MTPN: variants seen among roughly 807,000 people sequenced by gnomAD.
The protein encoded by MTPN is granule cell differentiation protein.
A neutral mutation model predicts 13.5 loss-of-function variants in MTPN; 2 were observed. The ratio of observed to expected loss-of-function variants is 0.15; its 90% confidence interval spans 0.06 to 0.47. The LOEUF (loss-of-function observed/expected upper bound fraction) is 0.47. Ranked by LOEUF, MTPN falls within the 20% of genes least tolerant of loss-of-function variation. The probability of loss-of-function intolerance (pLI) is 0.97; values close to 1 mark genes in which losing one functional copy is unlikely to be tolerated. For synonymous variants in MTPN, 46 were observed against 51.7 expected (o/e 0.89, Z 0.48); for missense variants, 79 against 137.9 (o/e 0.57, Z 2.14).
chr7:135,960,510 T>G (rs1053569251), intron 1 of MTPN, among the ~76,000 whole-genome samples: 1 of 151,948 alleles, frequency 6.6e-6, no homozygotes, highest in Admixed American at 6.6e-5. Context: ...ACCCTAAATC[T>G]GAATAGTATT....
intron 1 of MTPN, among the ~76,000 whole-genome samples, chr7:135,958,852 G>C (rs1344962119): frequency 1.3e-5 from 2 of 151,938 alleles, no homozygotes; most frequent in African/African-American, 4.8e-5. Flanking sequence ...TTCCCTCAAG[G>C]ATATCTCTGA....
intron 3 of MTPN, among the ~76,000 whole-genome samples, chr7:135,939,077 T>C (rs1329875725): frequency 1.3e-5 from 2 of 152,078 alleles, no homozygotes; most frequent in Admixed American, 6.5e-5. Flanking sequence ...GGTGTTACTC[T>C]GCCTTCCCTC....
At chr7:135,967,591 A>G (rs147940635) in intron 1 of MTPN, among the ~76,000 whole-genome samples, 1 of 152,194 alleles carries the variant, frequency 6.6e-6, no homozygotes, top group Admixed American at 6.5e-5. Context: ...CTATAAAATA[A>G]GGGAGCTGGA....
rs961393954 is a variant in MTPN, at chr7:135,927,484, G to C, written c.*2442C>G. 7.0e-7 allele frequency: 1 copy of C among 1,426,994 alleles called. No individual in the cohort carries two copies. Among genetic ancestry groups the C allele is most frequent in the South Asian group, 1.3e-5 (1 of 76,092 alleles). 88.4% of individuals were successfully genotyped at this position (1,426,994 alleles called of 1,614,324 possible). A position where few individuals can be genotyped will look rare whatever the true frequency, so the allele number is the denominator to read the frequency against. On this transcript the variant is annotated 3_prime_UTR_variant, in exon 4 of 4. Transcript: ENST00000393085. ...ACAGAACATGCAAAATTTTTTCTGA[G>C]ATGTTAAGTATTACTTCAGTGGAGA...
chr7:135,974,623 T>A (rs1158655077), intron 1 of MTPN, among the ~76,000 whole-genome samples: 1 of 152,202 alleles, frequency 6.6e-6, no homozygotes. Flanking sequence ...ATATGAGAGA[T>A]CTTCACAGGA....
chr7:135,939,582 G>GC (rs1413281185), intron 3 of MTPN, among the ~76,000 whole-genome samples: 1 of 107,766 alleles, frequency 9.3e-6, no homozygotes, highest in Admixed American at 9.1e-5. Context: ...GGGGCGGGGG[G>GC]GGGGGGCGGG....
chr7:135,962,511 A>G (rs1233155109), intron 1 of MTPN, among the ~76,000 whole-genome samples: 1 of 152,062 alleles, frequency 6.6e-6, no homozygotes, highest in African/African-American at 2.4e-5. Flanking sequence ...TGAAAAACCA[A>G]TCTGGAGGTG....
In MTPN at chr7:135,950,507, T is replaced by A; in HGVS notation, c.270+92A>T. ...TATATTGCTTCCAGTTTTCTGTCCC[T>A]GCTGCCACACAAAATTCAAATAAAT... is the stretch of plus-strand genomic sequence containing the variant. On this transcript the variant is annotated intron_variant, in intron 3 of 3. Transcript: ENST00000393085. 2.9e-6 allele frequency: 3 copies of A among 1,048,740 alleles called. No homozygotes were observed. In the South Asian group the frequency reaches 4.3e-5, roughly 15 times the overall value. 65.0% of individuals were successfully genotyped at this position (1,048,740 alleles called of 1,614,324 possible).
At chr7:135,931,727 T>A (rs955104137) in intron 3 of MTPN, among the ~76,000 whole-genome samples, 3 of 152,202 alleles carry the variant, frequency 2.0e-5, no homozygotes, top group Non-Finnish European at 4.4e-5. Context: ...ATAGTGAACT[T>A]CTGTTGCTTT....
intron 1 of MTPN, among the ~76,000 whole-genome samples, chr7:135,959,270 T>C (rs1799488857): frequency 6.6e-6 from 1 of 152,204 alleles, no homozygotes; most frequent in South Asian, 2.1e-4. Flanking sequence ...CTAAAATTCT[T>C]ATTTTATAGA....
chr7:135,966,514 C>T (rs889658118), intron 1 of MTPN, among the ~76,000 whole-genome samples: 2 of 151,758 alleles, frequency 1.3e-5, no homozygotes, highest in African/African-American at 4.8e-5. Context: ...CAGTTTCTAC[C>T]GAATGTGTAT....
intron 1 of MTPN, among the ~76,000 whole-genome samples, chr7:135,955,078 A>C (rs571852521): frequency 5.3e-5 from 8 of 152,330 alleles, no homozygotes; most frequent in African/African-American, 1.9e-4. Context: ...TTAGCAGACA[A>C]AAAGACGATG....
At chr7:135,951,920 T>C (rs982850553) in intron 1 of MTPN, among the ~76,000 whole-genome samples, 1 of 152,210 alleles carries the variant, frequency 6.6e-6, no homozygotes, top group African/African-American at 2.4e-5. Context: ...TCAATCAGCA[T>C]AGTGTCAATA....
chr7:135,958,213 T>C (rs1314268877), intron 1 of MTPN, among the ~76,000 whole-genome samples: 2 of 152,198 alleles, frequency 1.3e-5, no homozygotes, highest in Non-Finnish European at 1.5e-5. Flanking sequence ...ATGTTATTTA[T>C]ATACTTTAAT....
At chr7:135,952,460 T>C (rs1262040115) in intron 1 of MTPN, among the ~76,000 whole-genome samples, 1 of 152,202 alleles carries the variant, frequency 6.6e-6, no homozygotes, top group Non-Finnish European at 1.5e-5. Flanking sequence ...ATTTCTAATC[T>C]TCAAACTACC....
intron 3 of MTPN, among the ~76,000 whole-genome samples, chr7:135,947,482 G>A (rs1799302511): frequency 6.6e-6 from 1 of 152,112 alleles, no homozygotes; most frequent in Admixed American, 6.5e-5. Context: ...GGGGCAAAAA[G>A]AGAACACCAC....
intron 3 of MTPN, chr7:135,932,874 G>A (rs891391068): frequency 2.6e-5 from 4 of 152,176 alleles, no homozygotes; most frequent in African/African-American, 9.7e-5. Context: ...TGGATCACCT[G>A]AGGCCAGGAG....
intron 1 of MTPN, among the ~76,000 whole-genome samples, chr7:135,956,788 C>T (rs1799449810): frequency 6.6e-6 from 1 of 152,158 alleles, no homozygotes. Context: ...CAGCATGTGC[C>T]ATTCACAGCT....
rs150400150 is a variant in MTPN, at chr7:135,962,733, G to A, written c.73-11103C>T. 1.4e-3 allele frequency among the ~76,000 whole-genome samples: 220 copies of A among 152,024 alleles called. 7 individuals carry two copies. In the East Asian group the frequency reaches 0.04, roughly 28 times the overall value. On this transcript the variant is annotated intron_variant, in intron 1 of 3. Transcript: ENST00000393085. The stretch of plus-strand genomic sequence containing the variant: ...ATGCTCCTCCACAGTGTGGCTTGGT[G>A]GGGATTATTCACTAGATTAGTACTT...
Sources: gnomAD v4.1 joint callset for allele counts (sites outside exome capture counted in the v4.1 genomes callset) on GRCh38, gnomAD v4.1.1 for gene constraint, MANE v1.5 for transcripts, NCBI Gene and HGNC (gene_info 2026-07-23, HGNC 2026-07-21) for gene names.